Variants in RFTN1 observed in about 807,000 individuals in gnomAD.
RFTN1 encodes raftlin, lipid raft linker 1.
RFTN1 carries 26 observed loss-of-function variants against 46.5 expected under a neutral mutation model. That is an observed-to-expected ratio of 0.56 (90% CI 0.41 to 0.78). The LOEUF (loss-of-function observed/expected upper bound fraction) is 0.78. RFTN1 is among the 30% of genes least tolerant of loss of function. The probability of loss-of-function intolerance (pLI) is 0.00; values close to 1 mark genes in which losing one functional copy is unlikely to be tolerated. For synonymous variants in RFTN1, 261 were observed against 284.2 expected (o/e 0.92, Z 0.82); for missense variants, 693 against 718.7 (o/e 0.96, Z 0.41).
rs1213900308 is a variant in RFTN1 at position 16,507,728 on chromosome 3, AACACATACACACAT to A, written c.-9+5700_-9+5713del. Among the ~76,000 whole-genome samples, 1 of 150,484 alleles carries A rather than the reference AACACATACACACAT, an allele frequency of 6.6e-6. No individual in the cohort carries two copies. Among genetic ancestry groups the A allele is most frequent in the Non-Finnish European group, 1.5e-5 (1 of 67,480 alleles). On this transcript the variant is annotated intron_variant, in intron 1 of 9. Transcript: ENST00000334133. The surrounding 1 kb of genome is among the most constrained non-coding windows in gnomAD (Gnocchi z 7.1). The stretch of plus-strand genomic sequence containing the variant: ...ACATACACATACACACATACACACA[AACACATACACACAT>A]ACATGCACACTCACATACACACAAA...
At chr3:16,488,432 C>T (rs924415300) in intron 2 of RFTN1, among the ~76,000 whole-genome samples, 3 of 152,136 alleles carry the variant, frequency 2.0e-5, no homozygotes, top group Non-Finnish European at 4.4e-5. Context: ...ACATGGCACC[C>T]TTCCTACCTA....
intron 2 of RFTN1, among the ~76,000 whole-genome samples, chr3:16,478,345 A>T (rs1292943949): frequency 6.6e-6 from 1 of 152,174 alleles, no homozygotes; most frequent in Admixed American, 6.5e-5. Flanking sequence ...CCATCTCCCA[A>T]TAAGGAAACT....
chr3:16,416,003 A>G, intron 3 of RFTN1: 2 of 260,076 alleles, frequency 7.7e-6, no homozygotes, highest in South Asian at 3.8e-5. Flanking sequence ...GGCTCCTTGA[A>G]AAAAAAAAAT....
rs2072460278 is a variant in RFTN1 at position 16,356,717 on chromosome 3, G to C, written c.1146+1215C>G. Among the ~76,000 whole-genome samples, 1 of 152,212 alleles carries C rather than the reference G, an allele frequency of 6.6e-6. No homozygotes were observed. The highest frequency in any genetic ancestry group is 2.4e-5 in the African/African-American group (1 of 41,466). On this transcript the variant is annotated intron_variant, in intron 7 of 9. Transcript: ENST00000334133. The surrounding 1 kb of genome is among the most constrained non-coding windows in gnomAD (Gnocchi z 4.9). ...CCAGTGCCCCACACTCCTCACAAAGGGTTGTATCCACCTCTGTCTTCCCTC... is the reference window on the plus strand; with the variant it reads ...CCAGTGCCCCACACTCCTCACAAAGCGTTGTATCCACCTCTGTCTTCCCTC...
chr3:16,479,015 TA>T lies in RFTN1; in HGVS notation c.145+14709del, dbSNP rs2076325735. Among the ~76,000 whole-genome samples, 2 of 152,204 alleles carry T rather than the reference TA, an allele frequency of 1.3e-5. No homozygotes were observed. Among genetic ancestry groups the T allele is most frequent in the African/African-American group, 2.4e-5 (1 of 41,446 alleles). On this transcript the variant is annotated intron_variant, in intron 2 of 9. Transcript: ENST00000334133. This position sits in a 1 kb window ranked among gnomAD's most constrained non-coding sequence, Gnocchi z 5.1. The stretch of plus-strand genomic sequence containing the variant: ...TTCACTAGGTACACAAGGCCGTGGA[TA>T]CCAGTAGGCAGGGGTCACTGGGGGC...
intron 6 of RFTN1, among the ~76,000 whole-genome samples, chr3:16,358,473 A>T (rs2072612337): frequency 6.6e-6 from 1 of 151,476 alleles, no homozygotes; most frequent in Non-Finnish European, 1.5e-5. Context: ...GAAGAGATAT[A>T]ACACACCAGA....
chr3:16,403,922 AAT>A (rs1559327448), intron 4 of RFTN1, among the ~76,000 whole-genome samples: 1 of 10,934 alleles, frequency 9.1e-5, no homozygotes, highest in Non-Finnish European at 1.4e-4. Flanking sequence ...TTTTATATAT[AAT>A]ATATTATATT....
chr3:16,447,933 G>C lies in RFTN1; in HGVS notation c.146-13896C>G, dbSNP rs2075760731. Among the ~76,000 whole-genome samples the C allele has an allele frequency of 6.6e-6, 1 of 152,062 alleles. No homozygotes were observed. The highest frequency in any genetic ancestry group is 1.9e-4 in the East Asian group (1 of 5,198). ...TTTGTGTGCTTATAAGGAATCTTTA[G>C]ATTTTCTCTAATGTATTATTTCTTC... On this transcript the variant is annotated intron_variant, in intron 2 of 9. Coordinates refer to ENST00000334133, the MANE Select transcript of RFTN1 (RefSeq NM_015150.2). This position sits in a 1 kb window ranked among gnomAD's most constrained non-coding sequence, Gnocchi z 5.9.
intron 8 of RFTN1, among the ~76,000 whole-genome samples, chr3:16,325,257 A>G (rs183297050): frequency 1.6e-3 from 247 of 152,358 alleles, no homozygotes; most frequent in African/African-American, 5.8e-3. Context: ...GCTCAGCTCA[A>G]GAGCAGGCTG....
rs1054517558 is a variant in RFTN1, at chr3:16,500,589, C to T, written c.-8-6712G>A. Among the ~76,000 whole-genome samples the T allele has an allele frequency of 3.9e-5, 6 of 152,098 alleles. No individual in the cohort carries two copies. Among genetic ancestry groups the T allele is most frequent in the African/African-American group, 2.4e-5 (1 of 41,382 alleles). ...GTAATCAGAAGAAGGTTCCGAGACC[C>T]GAACTGCAAGAAGAAGATGACAGAC... On this transcript the variant is annotated intron_variant, in intron 1 of 9. Transcript: ENST00000334133. The surrounding 1 kb of genome is among the most constrained non-coding windows in gnomAD (Gnocchi z 5.9).
chr3:16,467,658 G>C (rs2914817), intron 2 of RFTN1, among the ~76,000 whole-genome samples: 151,780 of 152,342 alleles, frequency 1, 75,609 homozygotes, highest in East Asian at 1. Flanking sequence ...GGTGATGACC[G>C]TGCGCCATGG....
chr3:16,323,233 C>A, intron 9 of RFTN1, 143 bp downstream of exon 9: 1 of 630,190 alleles, frequency 1.6e-6, no homozygotes, highest in Non-Finnish European at 2.8e-6. Context: ...AGATGTGATT[C>A]GGGTTGCCAG....
Position 16,341,778 on chromosome 3 carries a change from TAATG to T in RFTN1, c.1147-14906_1147-14903del, listed in dbSNP as rs1173881745. ...TGAAGTACTCTATGGCCATTACAAA[TAATG>T]AAGTAAAAGCCTAATAACAGAAACA... On this transcript the variant is annotated intron_variant, in intron 7 of 9. Coordinates refer to ENST00000334133, the MANE Select transcript of RFTN1 (RefSeq NM_015150.2). This position sits in a 1 kb window ranked among gnomAD's most constrained non-coding sequence, Gnocchi z 4.7. Among the ~76,000 whole-genome samples, 1 of 152,158 alleles carries T rather than the reference TAATG, an allele frequency of 6.6e-6. No homozygotes were observed. Among genetic ancestry groups the T allele is most frequent in the East Asian group, 1.9e-4 (1 of 5,200 alleles).
chr3:16,365,676 G>A (rs73039494), intron 6 of RFTN1, among the ~76,000 whole-genome samples: 5,896 of 152,208 alleles, frequency 0.039, 248 homozygotes, highest in African/African-American at 0.099. Context: ...CCTATGTGAT[G>A]CAGTGTGGAG....
intron 3 of RFTN1, among the ~76,000 whole-genome samples, chr3:16,423,418 T>C (rs983974928): frequency 6.6e-6 from 1 of 152,142 alleles, no homozygotes; most frequent in South Asian, 2.1e-4. Context: ...GCTGAGAAAT[T>C]CTATCCTTAC....
intron 7 of RFTN1, among the ~76,000 whole-genome samples, chr3:16,328,010 C>T (rs750506566): frequency 2.0e-4 from 30 of 152,330 alleles, no homozygotes; most frequent in South Asian, 4.1e-4. Flanking sequence ...AACATGTATC[C>T]AGATTCCTTC....
chr3:16,360,183 T>G (rs976332962), intron 6 of RFTN1, among the ~76,000 whole-genome samples: 4 of 152,072 alleles, frequency 2.6e-5, no homozygotes, highest in Non-Finnish European at 4.4e-5. Flanking sequence ...TCTTTTTTTT[T>G]TTGTTTGAGG....
intron 1 of RFTN1, among the ~76,000 whole-genome samples, chr3:16,502,383 CA>C (rs140019736): frequency 0.091 from 6,432 of 70,866 alleles, 227 homozygotes; most frequent in East Asian, 0.19. Context: ...GACCTTGTCT[CA>C]AAAAAAAAAA....
intron 6 of RFTN1, among the ~76,000 whole-genome samples, chr3:16,364,479 G>A (rs978783288): frequency 1.3e-5 from 2 of 152,098 alleles, no homozygotes; most frequent in African/African-American, 4.8e-5. Context: ...GGCACCGGGG[G>A]TAGGTGCTAG....
Sources: allele counts gnomAD v4.1 joint callset (sites outside exome capture counted in the v4.1 genomes callset), GRCh38; gene constraint gnomAD v4.1.1; non-coding constraint Gnocchi (gnomAD v3.1); transcripts MANE v1.5; gene names NCBI Gene and HGNC (gene_info 2026-07-23, HGNC 2026-07-21).